CSNK2B: variants seen among roughly 807,000 people sequenced by gnomAD.
CSNK2B encodes casein kinase II subunit beta.
A neutral mutation model predicts 28.8 loss-of-function variants in CSNK2B; 2 were observed. The observed-to-expected ratio is 0.07, with a 90% CI of 0.03 to 0.22. CSNK2B has a LOEUF of 0.22. Among genes scored for constraint, CSNK2B ranks in the 10% least tolerant of loss-of-function variants. CSNK2B has a pLI of 1.00. For missense variants in CSNK2B, 107 were observed against 277.9 expected (o/e 0.39, Z 4.37); for synonymous variants, 89 against 96.1 (o/e 0.93, Z 0.43).
At position 31,669,903 on chromosome 6, in the gene CSNK2B, A is replaced by G; in HGVS notation, c.625A>G (p.Ser209Gly). 6.2e-7 allele frequency: 1 copy of G among 1,612,988 alleles called. No individual in the cohort carries two copies. Among genetic ancestry groups the G allele is most frequent in the Non-Finnish European group, 8.5e-7 (1 of 1,180,008 alleles). Residue 209 changes from serine (S) to glycine (G), a missense_variant, in exon 7 of 7, where the codon AGC (serine) becomes GGC (glycine). Physicochemically the swap from Ser to Gly is moderately conservative, Grantham distance 56. Transcript: ENST00000375882. The surrounding 1 kb of genome is among the most constrained non-coding windows in gnomAD (Gnocchi z 4.8). ...LQLQAASNFK[S>G]PVKTIR The stretch of plus-strand genomic sequence containing the variant: ...GCTCCAAGCCGCCAGCAACTTCAAG[A>G]GCCCAGTCAAGACGATTCGCTGATT...
At position 31,669,579 on chromosome 6, in the gene CSNK2B, C is replaced by T; in HGVS notation, c.557+71C>T. 6.6e-7 allele frequency: 1 copy of T among 1,508,734 alleles called. No homozygotes were observed. Among genetic ancestry groups the T allele is most frequent in the Non-Finnish European group, 8.9e-7 (1 of 1,119,402 alleles). The allele number at this position is 1,508,734 out of a possible 1,614,324, so 93.5% of individuals were successfully genotyped here. On this transcript the variant is annotated intron_variant, in intron 6 of 6. Coordinates refer to ENST00000375882, the MANE Select transcript of CSNK2B (RefSeq NM_001320.7). This position sits in a 1 kb window ranked among gnomAD's most constrained non-coding sequence, Gnocchi z 4.8. The stretch of plus-strand genomic sequence containing the variant: ...ATCCCCCAGAGAGGGGAGGACAGGG[C>T]ATGGCCCTTTCTTGAGGTCTGCTTC...
chr6:31,668,858 G>A, intron 4 of CSNK2B: 1 of 615,650 alleles, frequency 1.6e-6, no homozygotes, highest in South Asian at 2.0e-5. Flanking sequence ...CCTTGAATCA[G>A]AGAGTTGTGA....
intron 3 of CSNK2B, 100 bp from the exon 4 acceptor site, chr6:31,668,439 G>A: frequency 1.0e-6 from 1 of 1,003,858 alleles, no homozygotes; most frequent in East Asian, 2.4e-5. Context: ...CCCAAAAGTA[G>A]GTGCTAGGCA....
At chr6:31,666,730 C>A (rs1260055462) in intron 1 of CSNK2B, 91 bp from the exon 2 acceptor site, 1 of 1,008,982 alleles carries the variant, frequency 9.9e-7, no homozygotes, top group African/African-American at 1.6e-5. Context: ...TCCGAATTCT[C>A]CCGTGGTTGG....
intron 1 of CSNK2B, 78 bp from the exon 2 acceptor site, chr6:31,666,743 G>T: frequency 8.4e-7 from 1 of 1,189,926 alleles, no homozygotes. Context: ...GTGGTTGGAG[G>T]GCCGAATGTG....
chr6:31,666,132 G>T lies in CSNK2B; in HGVS notation c.-88G>T, dbSNP rs1429325894. 1.1e-5 allele frequency: 11 copies of T among 993,326 alleles called. No homozygotes were observed. The highest frequency in any genetic ancestry group is 4.3e-5 in the South Asian group (1 of 23,100). The allele number at this position is 993,326 out of a possible 1,614,324, so 61.5% of individuals were successfully genotyped here. On this transcript the variant is annotated 5_prime_UTR_variant, in exon 1 of 7. Transcript: ENST00000375882. ...CCTGCCGCGGTCGGGTCCGCGGCCT[G>T]CGCTGTAGCGGTCGCCGCCGTTCCC...
intron 2 of CSNK2B, 74 bp from the exon 3 acceptor site, chr6:31,667,794 A>G: frequency 1.3e-6 from 1 of 763,112 alleles, no homozygotes; most frequent in Non-Finnish European, 2.1e-6. Context: ...ATAAGGCATC[A>G]CTTAGAGCAT....
At chr6:31,666,626 G>A in intron 1 of CSNK2B, 195 bp from the exon 2 acceptor site, 1 of 594,502 alleles carries the variant, frequency 1.7e-6, no homozygotes, top group Non-Finnish European at 3.0e-6. Context: ...GGACCCCAAA[G>A]AATGTTTAAC....
In CSNK2B at chr6:31,669,605, TC is replaced by T; in HGVS notation, c.557+100del. The T allele has an allele frequency of 7.3e-7, 1 of 1,367,500 alleles. No individual in the cohort carries two copies. Among genetic ancestry groups the T allele is most frequent in the Non-Finnish European group, 1.0e-6 (1 of 1,002,898 alleles). 84.7% of individuals were successfully genotyped at this position (1,367,500 alleles called of 1,614,324 possible). A position where few individuals can be genotyped will look rare whatever the true frequency, so the allele number is the denominator to read the frequency against. ...ATGGCCCTTTCTTGAGGTCTGCTTC[TC>T]CCAGAATCAGGGCATCTCCCTGCTG... On this transcript the variant is annotated intron_variant, in intron 6 of 6. Transcript: ENST00000375882. The surrounding 1 kb of genome is among the most constrained non-coding windows in gnomAD (Gnocchi z 4.8).
Position 31,667,906 on chromosome 6 carries a change from T to A in CSNK2B, c.111T>A (p.Thr37=), listed in dbSNP as rs1271081747. 1 of 1,545,086 alleles carries A rather than the reference T, an allele frequency of 6.5e-7. No homozygotes were observed. Among genetic ancestry groups the A allele is most frequent in the African/African-American group, 1.4e-5 (1 of 71,884 alleles). Residue 37 remains threonine (T), a synonymous_variant, in exon 3 of 7, where the codon ACT becomes ACA. Coordinates refer to ENST00000375882, the MANE Select transcript of CSNK2B (RefSeq NM_001320.7). ...EDYIQDKFNL[T]GLNEQVPHYR... ...ACATCCAGGACAAATTTAATCTTAC[T>A]GGACTCAATGAGCAGGTCCCTCACT... is the stretch of plus-strand genomic sequence containing the variant.
chr6:31,668,522 G>A lies in CSNK2B; in HGVS notation c.176-17G>A. ...GCTGAAAAACAAGTAGTTGCATTTG[G>A]CCGGGCTGTGTTTCAGATGAAGAAC... On this transcript the variant is annotated splice_polypyrimidine_tract_variant and intron_variant, in intron 3 of 6. Coordinates refer to ENST00000375882, the MANE Select transcript of CSNK2B (RefSeq NM_001320.7). 1 of 1,609,272 alleles carries A rather than the reference G, an allele frequency of 6.2e-7. No homozygotes were observed. The highest frequency in any genetic ancestry group is 8.5e-7 in the Non-Finnish European group (1 of 1,176,594).
intron 2 of CSNK2B, 86 bp downstream of exon 2, chr6:31,666,989 C>A: frequency 9.4e-7 from 1 of 1,067,146 alleles, no homozygotes; most frequent in Non-Finnish European, 1.4e-6. Flanking sequence ...CTGCACTGTT[C>A]TCTTACATGC....
chr6:31,669,271 G>A lies in CSNK2B; in HGVS notation c.368-48G>A, dbSNP rs753700894. 6.2e-7 allele frequency: 1 copy of A among 1,602,796 alleles called. No individual in the cohort carries two copies. The highest frequency in any genetic ancestry group is 8.5e-7 in the Non-Finnish European group (1 of 1,171,006). On this transcript the variant is annotated intron_variant, in intron 5 of 6. Transcript: ENST00000375882. This position sits in a 1 kb window ranked among gnomAD's most constrained non-coding sequence, Gnocchi z 4.8. Reference sequence around the variant, plus strand: ...GAGCCTGAGTCCTGAGGGGAGGTTAGGTAGGAATAGGGGGATACCTGGCCT... The same window carrying A: ...GAGCCTGAGTCCTGAGGGGAGGTTAAGTAGGAATAGGGGGATACCTGGCCT...
At chr6:31,666,711 AAG>A in intron 1 of CSNK2B, 108 bp from the exon 2 acceptor site, 1 of 770,840 alleles carries the variant, frequency 1.3e-6, no homozygotes, top group Non-Finnish European at 2.1e-6. Flanking sequence ...TGCTTTAAGA[AAG>A]GGTGGTTCCG....
intron 1 of CSNK2B, chr6:31,666,529 A>G: frequency 2.0e-6 from 1 of 489,020 alleles, no homozygotes; most frequent in Non-Finnish European, 3.6e-6. Context: ...GTTGACACAG[A>G]GGAGAGAGGG....
At position 31,669,111 on chromosome 6, in the gene CSNK2B, G is replaced by T; in HGVS notation, c.306G>T (p.Gln102His). 6.2e-7 allele frequency: 1 copy of T among 1,613,086 alleles called. No homozygotes were observed. Among genetic ancestry groups the T allele is most frequent in the Non-Finnish European group, 8.5e-7 (1 of 1,179,888 alleles). The change falls in exon 5 of 7, where the codon CAG becomes CAT. Residue 102 changes from glutamine (Q) to histidine (H), a missense_variant. By Grantham distance (24) the Gln-to-His change is conservative (BLOSUM62 0). Transcript: ENST00000375882. This position sits in a 1 kb window ranked among gnomAD's most constrained non-coding sequence, Gnocchi z 4.8. ...ATTCACCTCAGTTGGAAAAGTACCAGCAAGGAGACTTTGGTTACTGTCCTC... is the reference window on the plus strand; with the variant it reads ...ATTCACCTCAGTTGGAAAAGTACCATCAAGGAGACTTTGGTTACTGTCCTC... ...RGIAQMLEKYQQGDFGYCPRV... is the reference protein window; with the variant it reads ...RGIAQMLEKYHQGDFGYCPRV...
Position 31,667,990 on chromosome 6 carries a change from G to T in CSNK2B, c.175+20G>T, listed in dbSNP as rs749546777. ...AGCCTGGTGAGGCACCCTCAGGGTT[G>T]TTTTGTGTGTGTGCGTGCACTATTT... On this transcript the variant is annotated intron_variant, in intron 3 of 6. Transcript: ENST00000375882. 2 of 1,522,514 alleles carry T rather than the reference G, an allele frequency of 1.3e-6. No homozygotes were observed. The highest frequency in any genetic ancestry group is 3.4e-5 in the Admixed American group (2 of 59,606). 94.3% of individuals were successfully genotyped at this position (1,522,514 alleles called of 1,614,324 possible). A position where few individuals can be genotyped will look rare whatever the true frequency, so the allele number is the denominator to read the frequency against.
chr6:31,667,052 C>G (rs747725639), intron 2 of CSNK2B, 149 bp downstream of exon 2: 1 of 764,422 alleles, frequency 1.3e-6, no homozygotes, highest in Admixed American at 2.0e-5. Flanking sequence ...CCCGACGAAC[C>G]TGTGCTAAAG....
chr6:31,667,932 A>G lies in CSNK2B; in HGVS notation c.137A>G (p.Tyr46Cys). ...LTGLNEQVPH[Y>C]RQALDMILDL... Reference sequence around the variant, plus strand: ...GGACTCAATGAGCAGGTCCCTCACTATCGACAAGCTCTAGACATGATCTTG... The same window carrying G: ...GGACTCAATGAGCAGGTCCCTCACTGTCGACAAGCTCTAGACATGATCTTG... The change falls in exon 3 of 7, where the codon TAT becomes TGT. Residue 46 changes from tyrosine (Y) to cysteine (C), a missense_variant. Transcript: ENST00000375882. The G allele has an allele frequency of 6.3e-7, 1 of 1,579,032 alleles. No individual in the cohort carries two copies.
Sources: gnomAD v4.1 joint callset for allele counts on GRCh38, gnomAD v4.1.1 for gene constraint, Gnocchi (gnomAD v3.1) non-coding constraint, MANE v1.5 for transcripts, NCBI Gene and HGNC (gene_info 2026-07-23, HGNC 2026-07-21) for gene names.